Variants in PCDHA9 observed in about 807,000 individuals in gnomAD.
PCDHA9 encodes the protein protocadherin alpha-9.
Under a neutral mutation model 62.0 loss-of-function variants are expected in PCDHA9, and 62 were observed. The observed-to-expected ratio is 1.00, with a 90% CI of 0.81 to 1.23. The LOEUF (loss-of-function observed/expected upper bound fraction) is 1.23. PCDHA9 is among the 50% of genes most tolerant of loss of function. PCDHA9 has a pLI of 0.00. For missense variants in PCDHA9, 1,205 were observed against 1,249.8 expected (o/e 0.96, Z 0.54); for synonymous variants, 557 against 567.6 (o/e 0.98, Z 0.27).
rs782769711 is a variant in PCDHA9 at position 140,857,323 on chromosome 5, C to G, written c.2394+6434C>G. 1.0e-5 allele frequency: 16 copies of G among 1,598,498 alleles called. 1 individual carries two copies. Among genetic ancestry groups the G allele is most frequent in the Admixed American group, 1.7e-5 (1 of 59,312 alleles). ...TGTCGGCCTATGAGCTGGTGGTGAC[C>G]GCGCGGGACGGGGGCTCGCCTCCGC... On this transcript the variant is annotated intron_variant, in intron 1 of 3. Coordinates refer to ENST00000532602, the MANE Select transcript of PCDHA9 (RefSeq NM_031857.2).
chr5:140,868,771 A>G lies in PCDHA9; in HGVS notation c.2394+17882A>G, dbSNP rs986240016. 2.7e-4 allele frequency: 70 copies of G among 257,218 alleles called. No individual in the cohort carries two copies. In the Middle Eastern group the frequency reaches 5.2e-3, roughly 19 times the overall value. The allele number at this position is 257,218 out of a possible 1,614,324, so 15.9% of individuals were successfully genotyped here. ...ATTTCCATATATATTTAGTTTCAAT[A>G]TGACTTATAATCTGAATATTCCATA... is the stretch of plus-strand genomic sequence containing the variant. On this transcript the variant is annotated intron_variant, in intron 1 of 3. Coordinates refer to ENST00000532602, the MANE Select transcript of PCDHA9 (RefSeq NM_031857.2).
intron 3 of PCDHA9, among the ~76,000 whole-genome samples, chr5:140,996,297 T>TGTAACAAAGTAAGGGG (rs2097720569): frequency 6.6e-6 from 1 of 152,196 alleles, no homozygotes; most frequent in Non-Finnish European, 1.5e-5. Context: ...AAGCACAGAT[T>TGTAACAAAGTAAGGGG]GTAACAAAGT....
chr5:140,862,903 C>T lies in PCDHA9; in HGVS notation c.2394+12014C>T, dbSNP rs7714617. 5.0e-3 allele frequency: 2,780 copies of T among 551,318 alleles called. 56 individuals are homozygous for T. Among genetic ancestry groups the T allele is most frequent in the African/African-American group, 0.05 (2,518 of 50,680 alleles). 34.2% of individuals were successfully genotyped at this position (551,318 alleles called of 1,614,324 possible). ...TGCTGGAACGACAACTTTGTCTGCG[C>T]TGCTGGCGCCTTGGGTGGGCTGGCG... On this transcript the variant is annotated intron_variant, in intron 1 of 3. Transcript: ENST00000532602.
At chr5:140,861,554 C>G (rs1023234694) in intron 1 of PCDHA9, 16 of 398,878 alleles carry the variant, frequency 4.0e-5, no homozygotes, top group African/African-American at 3.3e-4. Flanking sequence ...TGGAAGTGAT[C>G]GTGGACAAGC....
In PCDHA9 at chr5:140,876,716, G is replaced by T. The variant is rs374218090; in HGVS notation, c.2394+25827G>T. The T allele has an allele frequency of 9.3e-6, 15 of 1,614,132 alleles. No individual in the cohort carries two copies. The African/African-American group carries it at 1.2e-4, about 13-fold the overall frequency. ...TTGGTGCTGGACAGCGCCCTGGACC[G>T]CGAGAGCGTGTCGGCCTATGAGCTG... On this transcript the variant is annotated intron_variant, in intron 1 of 3. Coordinates refer to ENST00000532602, the MANE Select transcript of PCDHA9 (RefSeq NM_031857.2).
At chr5:140,974,108 C>A (rs977903039) in intron 1 of PCDHA9, among the ~76,000 whole-genome samples, 3 of 152,182 alleles carry the variant, frequency 2.0e-5, no homozygotes, top group African/African-American at 7.2e-5. Flanking sequence ...TAAAAGTATT[C>A]TTTTGCAGTG....
intron 1 of PCDHA9, chr5:140,876,687 C>T: frequency 6.2e-7 from 1 of 1,614,212 alleles, no homozygotes; most frequent in Non-Finnish European, 8.5e-7. Flanking sequence ...AGAATTACTA[C>T]TCGTTGGTGC....
intron 1 of PCDHA9, chr5:140,929,493 A>G: frequency 9.4e-7 from 1 of 1,059,368 alleles, no homozygotes; most frequent in Non-Finnish European, 1.3e-6. Flanking sequence ...GTATTAGAAG[A>G]TTGCCCTAGG....
intron 1 of PCDHA9, among the ~76,000 whole-genome samples, chr5:140,903,136 A>C (rs1554190778): frequency 6.6e-6 from 1 of 152,212 alleles, no homozygotes; most frequent in Non-Finnish European, 1.5e-5. Flanking sequence ...AGAAATCTCC[A>C]AACTGTTTTC....
chr5:140,863,242 G>A (rs2047891518), intron 1 of PCDHA9: 3 of 1,345,158 alleles, frequency 2.2e-6, no homozygotes, highest in African/African-American at 2.9e-5. Context: ...GCGGGCTTTG[G>A]CGGGCGTCGA....
intron 1 of PCDHA9, chr5:140,854,299 C>A: frequency 2.4e-6 from 1 of 414,144 alleles, no homozygotes; most frequent in Non-Finnish European, 3.2e-6. Context: ...TTATTTTGTG[C>A]GTGGAGATGA....
chr5:140,973,894 G>A (rs1161980569), intron 1 of PCDHA9, among the ~76,000 whole-genome samples: 1 of 152,194 alleles, frequency 6.6e-6, no homozygotes, highest in African/African-American at 2.4e-5. Flanking sequence ...ATTTGCAAAT[G>A]TTTGAGGAAA....
chr5:141,011,750 A>T lies in PCDHA9; in HGVS notation c.*1813A>T, dbSNP rs1554263628. The T allele has an allele frequency of 6.5e-6, 1 of 153,696 alleles. No individual in the cohort carries two copies. Among genetic ancestry groups the T allele is most frequent in the Non-Finnish European group, 1.5e-5 (1 of 68,036 alleles). 9.5% of individuals were successfully genotyped at this position (153,696 alleles called of 1,614,324 possible). A position where few individuals can be genotyped will look rare whatever the true frequency, so the allele number is the denominator to read the frequency against. On this transcript the variant is annotated 3_prime_UTR_variant, in exon 4 of 4. Transcript: ENST00000532602. ...TGCAAGCACAAATTTTACCAATCTG[A>T]CCTCTTTGAAGTTGCAGAATGCTTT... is the stretch of plus-strand genomic sequence containing the variant.
intron 1 of PCDHA9, among the ~76,000 whole-genome samples, chr5:140,958,077 A>C (rs2095408004): frequency 1.3e-5 from 2 of 152,124 alleles, no homozygotes; most frequent in African/African-American, 4.8e-5. Context: ...AGAAGCAAAA[A>C]GTAAAGTTGT....
intron 3 of PCDHA9, among the ~76,000 whole-genome samples, chr5:141,000,387 C>A (rs868946328): frequency 8.2e-4 from 55 of 66,860 alleles, no homozygotes; most frequent in African/African-American, 2.7e-3. Context: ...CTCTCTCTCT[C>A]TCTCTCTCTA....
intron 1 of PCDHA9, among the ~76,000 whole-genome samples, chr5:140,900,355 G>A (rs555553636): frequency 1.4e-4 from 21 of 152,070 alleles, no homozygotes; most frequent in East Asian, 3.9e-4. Flanking sequence ...TTGGCTCACC[G>A]CAACCTCTGC....
rs558801074 is a variant in PCDHA9 at position 140,931,826 on chromosome 5, G to A, written c.2395-47123G>A. On this transcript the variant is annotated intron_variant, in intron 1 of 3. Transcript: ENST00000532602. ...TCTTTAGAAAAGAATTCTTGTCATA[G>A]TATCCTGAATGCCTTAATAACAACA... Among the ~76,000 whole-genome samples, 28 of 151,962 alleles carry A rather than the reference G, an allele frequency of 1.8e-4. No homozygotes were observed. In the South Asian group the frequency reaches 5.4e-3, roughly 29 times the overall value.
chr5:140,956,921 G>T (rs2095321008), intron 1 of PCDHA9, among the ~76,000 whole-genome samples: 1 of 151,968 alleles, frequency 6.6e-6, no homozygotes, highest in Admixed American at 6.6e-5. Context: ...CTTTAATCTT[G>T]CTGGATATAG....
intron 1 of PCDHA9, chr5:140,858,387 T>C (rs1260966424): frequency 1.9e-6 from 3 of 1,582,118 alleles, no homozygotes; most frequent in Admixed American, 1.8e-5. Flanking sequence ...TGCCCAATGG[T>C]AGATGTGGAC....
Sources: gnomAD v4.1 joint callset for allele counts (sites outside exome capture counted in the v4.1 genomes callset) on GRCh38, gnomAD v4.1.1 for gene constraint, MANE v1.5 for transcripts, NCBI Gene and HGNC (gene_info 2026-07-23, HGNC 2026-07-21) for gene names.